The following PCDHGB2 variants were observed in gnomAD, a reference collection of about 807,000 sequenced individuals.
PCDHGB2 encodes protocadherin gamma subfamily B, 2.
Under a neutral mutation model 59.3 loss-of-function variants are expected in PCDHGB2, and 55 were observed. The observed-to-expected ratio is 0.93, with a 90% CI of 0.75 to 1.16. The LOEUF is 1.16. PCDHGB2 is among the 50% of genes most tolerant of loss of function. PCDHGB2 has a pLI of 0.00. For missense variants in PCDHGB2, 1,228 were observed against 1,198.5 expected, an observed-to-expected ratio of 1.02 and a Z score of -0.36; for synonymous variants, 516 against 512.0, an observed-to-expected ratio of 1.01 and a Z score of -0.11.
intron 2 of PCDHGB2, among the ~76,000 whole-genome samples, chr5:141,501,942 C>T (rs1012840550): frequency 2.6e-5 from 4 of 152,136 alleles, no homozygotes; most frequent in Non-Finnish European, 4.4e-5. Context: ...CACCACTGCT[C>T]CCTGTGACAG....
Position 141,490,854 on chromosome 5 carries a change from C to T in PCDHGB2, c.2422-3953C>T. On this transcript the variant is annotated intron_variant, in intron 1 of 3. Transcript: ENST00000522605. The surrounding 1 kb of genome is among the most constrained non-coding windows in gnomAD (Gnocchi z 5.4). The stretch of plus-strand genomic sequence containing the variant: ...TGCAGATTGTGGTGGGGGTTCGAGA[C>T]TCCGGCTCTCCCCCATTGCATGCCA... 6.2e-7 allele frequency: 1 copy of T among 1,613,900 alleles called. No homozygotes were observed. The highest frequency in any genetic ancestry group is 8.5e-7 in the Non-Finnish European group (1 of 1,179,914).
chr5:141,448,704 G>A (rs1272148301), intron 1 of PCDHGB2, among the ~76,000 whole-genome samples: 1 of 152,134 alleles, frequency 6.6e-6, no homozygotes. Flanking sequence ...ACTTTGGGAG[G>A]CCGAGGCGGG....
chr5:141,410,779 T>C, intron 1 of PCDHGB2: 4 of 947,572 alleles, frequency 4.2e-6, no homozygotes, highest in Non-Finnish European at 6.0e-6. Flanking sequence ...TTTCACTATG[T>C]ATTTGGTTCA....
intron 1 of PCDHGB2, chr5:141,390,549 T>A (rs1258668887): frequency 2.1e-6 from 1 of 482,262 alleles, no homozygotes; most frequent in Non-Finnish European, 3.7e-6. Context: ...AAAGTGAAAG[T>A]GTTAGACAGT....
chr5:141,403,667 G>T (rs1386561971), intron 1 of PCDHGB2: 8 of 1,613,910 alleles, frequency 5.0e-6, no homozygotes, highest in Non-Finnish European at 6.8e-6. Flanking sequence ...AAATGATAAT[G>T]CCCCGGTTTT....
chr5:141,385,348 C>T, intron 1 of PCDHGB2: 1 of 1,557,574 alleles, frequency 6.4e-7, no homozygotes. Context: ...TCCTTTATTT[C>T]CATGAGGAAT....
intron 1 of PCDHGB2, chr5:141,393,008 T>C: frequency 1.2e-6 from 2 of 1,613,876 alleles, no homozygotes. Flanking sequence ...ACGGAGTCCG[T>C]ATCGTCTCCA....
chr5:141,374,787 T>C, intron 1 of PCDHGB2: 1 of 1,613,904 alleles, frequency 6.2e-7, no homozygotes, highest in Non-Finnish European at 8.5e-7. Flanking sequence ...GTTCTAGATG[T>C]GAATGACAAC....
Position 141,376,767 on chromosome 5 carries a change from A to G in PCDHGB2, c.2421+14211A>G. The G allele has an allele frequency of 7.0e-6, 3 of 425,754 alleles. No individual in the cohort carries two copies. The South Asian group carries it at 8.7e-5, about 12-fold the overall frequency. 26.4% of individuals were successfully genotyped at this position (425,754 alleles called of 1,614,324 possible). On this transcript the variant is annotated intron_variant, in intron 1 of 3. Coordinates refer to ENST00000522605, the MANE Select transcript of PCDHGB2 (RefSeq NM_018923.3). The stretch of plus-strand genomic sequence containing the variant: ...AGTGGCGCAATCTCGGCTCACTGCA[A>G]GCTCCGCTTCCCGGGTTCACGCCAT...
intron 1 of PCDHGB2, chr5:141,417,676 C>A (rs902104404): frequency 4.0e-6 from 4 of 993,448 alleles, no homozygotes; most frequent in Middle Eastern, 3.3e-4. Flanking sequence ...GCGCAGCCAA[C>A]AACAGAAAAG....
chr5:141,456,434 G>A (rs1418917805), intron 1 of PCDHGB2, among the ~76,000 whole-genome samples: 1 of 152,108 alleles, frequency 6.6e-6, no homozygotes, highest in Non-Finnish European at 1.5e-5. Flanking sequence ...TTATAGTATT[G>A]AGTATACAGA....
Position 141,489,555 on chromosome 5 carries a change from A to G in PCDHGB2, c.2422-5252A>G, listed in dbSNP as rs909307566. ...GAGCCAGCACCAGCTGCCTGCTGCC[A>G]GTGCAGGTGGTGACTGAACACCCCC... is the stretch of plus-strand genomic sequence containing the variant. On this transcript the variant is annotated intron_variant, in intron 1 of 3. Transcript: ENST00000522605. The surrounding 1 kb of genome is among the most constrained non-coding windows in gnomAD (Gnocchi z 4.5). 2.5e-6 allele frequency: 4 copies of G among 1,613,998 alleles called. No homozygotes were observed. The African/African-American group carries it at 5.3e-5, about 22-fold the overall frequency.
chr5:141,399,886 G>T, intron 1 of PCDHGB2: 1 of 1,612,706 alleles, frequency 6.2e-7, no homozygotes, highest in Non-Finnish European at 8.5e-7. Flanking sequence ...GGTGACCAAG[G>T]TAGTGGCCGT....
At chr5:141,417,795 T>C in intron 1 of PCDHGB2, 1 of 1,483,780 alleles carries the variant, frequency 6.7e-7, no homozygotes, top group Non-Finnish European at 9.0e-7. Context: ...AATGCTCTTT[T>C]AGCGCGGTAG....
At chr5:141,456,827 G>A (rs183303757) in intron 1 of PCDHGB2, among the ~76,000 whole-genome samples, 13 of 152,236 alleles carry the variant, frequency 8.5e-5, no homozygotes, top group South Asian at 2.1e-4. Flanking sequence ...AGCCATCGTG[G>A]TAGTGGGCGC....
At chr5:141,428,041 TG>T (rs1260865435) in intron 1 of PCDHGB2, 1 of 1,608,448 alleles carries the variant, frequency 6.2e-7, no homozygotes, top group African/African-American at 1.3e-5. Flanking sequence ...GGCTACCTGG[TG>T]ACCAAGGTGG....
At chr5:141,389,605 A>T in intron 1 of PCDHGB2, 1 of 1,613,092 alleles carries the variant, frequency 6.2e-7, no homozygotes, top group Non-Finnish European at 8.5e-7. Context: ...GCGCTCTTCG[A>T]TATGGTGCCG....
intron 1 of PCDHGB2, chr5:141,415,060 G>C (rs1428839232): frequency 1.2e-6 from 2 of 1,613,426 alleles, no homozygotes; most frequent in Admixed American, 1.7e-5. Flanking sequence ...GCACACGGGC[G>C]AGGTGCGCAC....
At chr5:141,501,329 ACACAC>A (rs1562200854) in intron 2 of PCDHGB2, among the ~76,000 whole-genome samples, 2 of 148,226 alleles carry the variant, frequency 1.3e-5, no homozygotes, top group Non-Finnish European at 3.0e-5. Flanking sequence ...ACACACACAC[ACACAC>A]CCCAAACTCA....
Sources: gnomAD v4.1 joint callset for allele counts (sites outside exome capture counted in the v4.1 genomes callset) on GRCh38, gnomAD v4.1.1 for gene constraint, Gnocchi (gnomAD v3.1) non-coding constraint, MANE v1.5 for transcripts, NCBI Gene and HGNC (gene_info 2026-07-23, HGNC 2026-07-21) for gene names.